Variants in LONRF3 observed in about 807,000 individuals in gnomAD.
LONRF3 encodes the protein LON peptidase N-terminal domain and RING finger protein 3.
Under a neutral mutation model 51.7 loss-of-function variants are expected in LONRF3, and 19 were observed. That is an observed-to-expected ratio of 0.37 (90% CI 0.26 to 0.54). LONRF3 has a LOEUF of 0.54. Among genes scored for constraint, LONRF3 ranks in the 20% least tolerant of loss-of-function variants. The pLI, the probability that LONRF3 is intolerant of heterozygous loss-of-function variation, is 0.86. For synonymous variants in LONRF3, 265 were observed against 257.8 expected, an observed-to-expected ratio of 1.03 and a Z score of -0.27; for missense variants, 521 against 623.9, an observed-to-expected ratio of 0.84 and a Z score of 1.76.
chrX:119,001,100 C>T (rs750278299), intron 5 of LONRF3, among the ~76,000 whole-genome samples: 5 of 111,706 alleles, frequency 4.5e-5, no homozygotes, highest in Non-Finnish European at 9.4e-5. Flanking sequence ...GTGTGAAAAT[C>T]TGGCCCTGCT....
At position 118,975,394 on chromosome X, in the gene LONRF3, C is replaced by A; in HGVS notation, c.614C>A (p.Ala205Asp). The A allele has an allele frequency of 8.3e-7, 1 of 1,203,372 alleles. No individual in the cohort carries two copies. Among genetic ancestry groups the A allele is most frequent in the Non-Finnish European group, 1.1e-6 (1 of 891,627 alleles). Residue 205 changes from alanine (A) to aspartate (D), a missense_variant, in exon 1 of 11, where the codon GCC becomes GAC. Ala to Asp is a moderately radical substitution (Grantham distance 126). Transcript: ENST00000371628. ...GTCAAGCTCTCCGCCTTGATGGTGG[C>A]CACTGGGCGGGCGCGTGGAGCCCGG... The part of the protein sequence containing the change: ...CGVKLSALMV[A>D]TGRARGARRA...
chrX:118,987,543 C>T (rs190221011), intron 3 of LONRF3, among the ~76,000 whole-genome samples: 1 of 102,557 alleles, frequency 9.8e-6, no homozygotes, highest in African/African-American at 3.6e-5. Context: ...ATCCTCCCAC[C>T]TTGGCCTTCC....
intron 5 of LONRF3, among the ~76,000 whole-genome samples, chrX:118,992,586 C>A (rs1923508605): frequency 9.0e-6 from 1 of 110,965 alleles, no homozygotes; most frequent in East Asian, 2.9e-4. Flanking sequence ...TCCCTACCAA[C>A]CCTGGTAGTG....
At chrX:118,997,285 T>C (rs2052569832) in intron 5 of LONRF3, among the ~76,000 whole-genome samples, 1 of 111,699 alleles carries the variant, frequency 9.0e-6, no homozygotes, top group African/African-American at 3.3e-5. Context: ...CATAGACCAA[T>C]GGAACAAAAT....
At chrX:119,012,568 T>C (rs1390829630) in intron 8 of LONRF3, among the ~76,000 whole-genome samples, 1 of 110,788 alleles carries the variant, frequency 9.0e-6, no homozygotes, top group African/African-American at 3.3e-5. Flanking sequence ...TCCTTTATCA[T>C]AACATAGTGG....
At chrX:118,991,581 C>T in intron 5 of LONRF3, among the ~76,000 whole-genome samples, 1 of 112,166 alleles carries the variant, frequency 8.9e-6, no homozygotes, top group East Asian at 2.8e-4. Flanking sequence ...AAGAAAGAGG[C>T]TATGATTATG....
chrX:118,978,105 T>C (rs1047134688), intron 1 of LONRF3, among the ~76,000 whole-genome samples: 3 of 111,509 alleles, frequency 2.7e-5, no homozygotes, highest in Non-Finnish European at 5.6e-5. Flanking sequence ...GGGCCTCTAA[T>C]GAACCACTTG....
chrX:118,992,316 G>A (rs958260259), intron 5 of LONRF3, among the ~76,000 whole-genome samples: 2 of 111,798 alleles, frequency 1.8e-5, no homozygotes, highest in South Asian at 3.8e-4. Context: ...AAACAGACTT[G>A]GAGCTGTTGG....
At chrX:118,975,699 A>T in intron 1 of LONRF3, 102 bp downstream of exon 1, 1 of 273,146 alleles carries the variant, frequency 3.7e-6, no homozygotes, top group Non-Finnish European at 5.3e-6. Flanking sequence ...CCAGGGCAGA[A>T]GAGGGGGCGG....
chrX:119,014,016 G>A (rs1014328534), intron 9 of LONRF3, among the ~76,000 whole-genome samples, 191 bp from the exon 10 acceptor site: 2 of 111,322 alleles, frequency 1.8e-5, no homozygotes. Flanking sequence ...TTCCTCCATG[G>A]TCAGCAGTAT....
chrX:119,006,487 G>A (rs1285371885), intron 6 of LONRF3, among the ~76,000 whole-genome samples: 3 of 101,473 alleles, frequency 3.0e-5, no homozygotes, highest in African/African-American at 1.1e-4. Flanking sequence ...TGCAACCTCC[G>A]CCTCCTGGGT....
intron 2 of LONRF3, among the ~76,000 whole-genome samples, chrX:118,981,517 C>T (rs1922556149): frequency 9.3e-6 from 1 of 107,787 alleles, no homozygotes; most frequent in Non-Finnish European, 1.9e-5. Context: ...TGGATTGCTA[C>T]TTGATAATAT....
chrX:119,006,166 C>T lies in LONRF3; in HGVS notation c.1461C>T (p.Cys487=), dbSNP rs773049030. ...PVTTPCGHTF[C]LKCLERCLDH... The stretch of plus-strand genomic sequence containing the variant: ...CAACACCTTGCGGGCATACTTTTTG[C>T]TTAAAATGCCTAGAAAGATGCCTAG... The change falls in exon 6 of 11, where the codon TGC becomes TGT. Residue 487 remains cysteine (C), a synonymous_variant. Transcript: ENST00000371628. 5 of 1,198,276 alleles carry T rather than the reference C, an allele frequency of 4.2e-6. No individual in the cohort carries two copies. The East Asian group carries it at 1.5e-4, about 36-fold the overall frequency.
intron 5 of LONRF3, among the ~76,000 whole-genome samples, chrX:119,000,428 T>C (rs759825271): frequency 1.8e-5 from 2 of 111,870 alleles, no homozygotes; most frequent in Non-Finnish European, 3.8e-5. Flanking sequence ...CATTCCAATC[T>C]CCAGGTCTCC....
chrX:118,997,784 A>C (rs1373838983), intron 5 of LONRF3, among the ~76,000 whole-genome samples: 1 of 112,697 alleles, frequency 8.9e-6, no homozygotes, highest in Non-Finnish European at 1.9e-5. Context: ...TCAGTAAGAA[A>C]AAAACAATCC....
intron 3 of LONRF3, chrX:118,987,170 T>C: frequency 1.3e-6 from 1 of 762,451 alleles, no homozygotes; most frequent in Non-Finnish European, 1.9e-6. Context: ...TCTCCTATTT[T>C]GGTTCCTGAG....
chrX:118,983,677 GT>G (rs887928582), intron 3 of LONRF3, among the ~76,000 whole-genome samples: 1 of 112,227 alleles, frequency 8.9e-6, no homozygotes, highest in African/African-American at 3.2e-5. Context: ...CGGCCTGTAA[GT>G]TGGATTCTGA....
intron 9 of LONRF3, 121 bp downstream of exon 9, chrX:119,013,322 C>G: frequency 2.8e-6 from 2 of 722,510 alleles, no homozygotes; most frequent in Non-Finnish European, 4.0e-6. Context: ...CACCAAATTG[C>G]TGCAGCAACA....
chrX:119,014,170 G>A (rs1324926238), intron 9 of LONRF3, 37 bp from the exon 10 acceptor site: 1 of 1,175,750 alleles, frequency 8.5e-7, no homozygotes, highest in Admixed American at 2.3e-5. Flanking sequence ...TGATGGAGAG[G>A]GTACAGAATG....
Sources: allele counts gnomAD v4.1 joint callset (sites outside exome capture counted in the v4.1 genomes callset), GRCh38; gene constraint gnomAD v4.1.1; transcripts MANE v1.5; gene names NCBI Gene and HGNC (gene_info 2026-07-23, HGNC 2026-07-21).